EYS: variants seen among roughly 807,000 people sequenced by gnomAD.
EYS encodes EGF-like photoreceptor maintenance factor.
EYS carries 250 observed loss-of-function variants against 282.1 expected under a neutral mutation model. The ratio of observed to expected loss-of-function variants is 0.89; its 90% CI spans 0.80 to 0.98. The LOEUF (loss-of-function observed/expected upper bound fraction) is 0.98, where lower values mean the gene tolerates loss of function less well. Ranked by LOEUF, EYS falls within the 50% of genes least tolerant of loss-of-function variation. The pLI is 0.00. For missense variants in EYS, 4,016 were observed against 3,709.0 expected (o/e 1.08, Z -2.15); for synonymous variants, 1,355 against 1,282.9 (o/e 1.06, Z -1.20).
chr6:65,094,317 GAAA>G (rs35028634), intron 12 of EYS, among the ~76,000 whole-genome samples: 9 of 73,806 alleles, frequency 1.2e-4, no homozygotes, highest in African/African-American at 2.2e-4. Context: ...ATATCTTAAC[GAAA>G]AAAAAAAAAA....
intron 26 of EYS, among the ~76,000 whole-genome samples, chr6:64,555,977 A>T (rs542772534): frequency 6.6e-6 from 1 of 152,022 alleles, no homozygotes; most frequent in African/African-American, 2.4e-5. Context: ...AAGAACAAAA[A>T]CAGACAATAA....
intron 35 of EYS, among the ~76,000 whole-genome samples, chr6:63,927,014 G>A (rs1764735576): frequency 6.6e-6 from 1 of 152,160 alleles, no homozygotes; most frequent in African/African-American, 2.4e-5. Context: ...AAGATTGGGT[G>A]GGTGTCGTTA....
intron 31 of EYS, among the ~76,000 whole-genome samples, chr6:64,157,745 C>G (rs116311730): frequency 0.012 from 1,770 of 152,306 alleles, 36 homozygotes; most frequent in African/African-American, 0.04. Flanking sequence ...GGTTTGGGAA[C>G]CTTCGCCTAG....
intron 29 of EYS, among the ~76,000 whole-genome samples, chr6:64,326,641 G>A (rs957459488): frequency 5.9e-5 from 9 of 152,246 alleles, no homozygotes; most frequent in African/African-American, 2.2e-4. Context: ...TGGGATTGGA[G>A]ATGGCAGATT....
chr6:64,483,552 C>T (rs1398089511), intron 26 of EYS, among the ~76,000 whole-genome samples: 1 of 151,600 alleles, frequency 6.6e-6, no homozygotes, highest in Admixed American at 6.6e-5. Flanking sequence ...CCTCCTTTTC[C>T]TACCTCCTTC....
At chr6:64,919,419 CTTTTTT>C (rs370375636) in intron 15 of EYS, among the ~76,000 whole-genome samples, 1 of 135,512 alleles carries the variant, frequency 7.4e-6, no homozygotes, top group African/African-American at 2.7e-5. Flanking sequence ...TTCTTTTTTT[CTTTTTT>C]TTTTTTTTGT....
intron 14 of EYS, among the ~76,000 whole-genome samples, chr6:64,996,784 G>A (rs1583376244): frequency 6.6e-6 from 1 of 152,186 alleles, no homozygotes; most frequent in East Asian, 1.9e-4. Context: ...AAAATATGTG[G>A]TGGCTGAAAC....
chr6:63,756,543 G>A (rs142063141), intron 41 of EYS, among the ~76,000 whole-genome samples: 1,843 of 152,172 alleles, frequency 0.012, 29 homozygotes, highest in African/African-American at 0.043. Context: ...TTTTATTGAG[G>A]ATTTTTGTAT....
chr6:64,327,806 A>C (rs964260069), intron 29 of EYS, among the ~76,000 whole-genome samples: 1 of 152,128 alleles, frequency 6.6e-6, no homozygotes. Context: ...GCACCAATTT[A>C]TCCATCCCTG....
chr6:65,109,808 A>C (rs563630064), intron 12 of EYS, among the ~76,000 whole-genome samples: 1 of 152,314 alleles, frequency 6.6e-6, no homozygotes, highest in East Asian at 1.9e-4. Context: ...ACTCTGCTAT[A>C]GAACCTGCCT....
chr6:64,862,590 A>G (rs746229039), intron 19 of EYS, among the ~76,000 whole-genome samples: 25 of 152,026 alleles, frequency 1.6e-4, no homozygotes, highest in Non-Finnish European at 3.2e-4. Flanking sequence ...TTAACTTCCT[A>G]TTAAATAGTT....
intron 22 of EYS, among the ~76,000 whole-genome samples, chr6:64,800,479 GT>G (rs941674037): frequency 4.6e-4 from 69 of 151,224 alleles, no homozygotes; most frequent in Non-Finnish European, 8.1e-4. Context: ...AACATATGCA[GT>G]TTTTTTTCAC....
intron 15 of EYS, among the ~76,000 whole-genome samples, chr6:64,926,787 T>C (rs1252702006): frequency 6.6e-6 from 1 of 152,142 alleles, no homozygotes; most frequent in Non-Finnish European, 1.5e-5. Context: ...ACCCATCTGG[T>C]GAAAGAAAGG....
At chr6:64,828,080 T>C (rs1402381097) in intron 19 of EYS, among the ~76,000 whole-genome samples, 1 of 151,880 alleles carries the variant, frequency 6.6e-6, no homozygotes, top group East Asian at 1.9e-4. Flanking sequence ...ACTATAAAAA[T>C]ATTCAAATTT....
chr6:64,271,853 T>C (rs540651894), intron 30 of EYS, among the ~76,000 whole-genome samples: 2 of 152,216 alleles, frequency 1.3e-5, no homozygotes, highest in Non-Finnish European at 2.9e-5. Flanking sequence ...TTTATTTATT[T>C]TTTTGAGACA....
intron 35 of EYS, among the ~76,000 whole-genome samples, chr6:63,923,911 A>G (rs1764642941): frequency 6.6e-6 from 1 of 152,362 alleles, no homozygotes; most frequent in African/African-American, 2.4e-5. Flanking sequence ...GGCTGGTACC[A>G]TAAAAAATTA....
intron 31 of EYS, among the ~76,000 whole-genome samples, chr6:64,113,674 A>G (rs536448488): frequency 1.3e-5 from 2 of 152,292 alleles, no homozygotes; most frequent in Non-Finnish European, 2.9e-5. Context: ...TCTTTTTCTG[A>G]ATGGAGTTAG....
chr6:64,448,616 G>A (rs938836236), intron 26 of EYS, among the ~76,000 whole-genome samples: 9 of 152,148 alleles, frequency 5.9e-5, no homozygotes, highest in East Asian at 1.9e-4. Context: ...CAGTAGGGGC[G>A]GACTGACATC....
intron 2 of EYS, among the ~76,000 whole-genome samples, chr6:65,610,349 A>G (rs1765953046): frequency 6.6e-6 from 1 of 152,062 alleles, no homozygotes; most frequent in African/African-American, 2.4e-5. Flanking sequence ...ACTCATAGGG[A>G]TTATTTATCT....
Sources: gnomAD v4.1 joint callset for allele counts (sites outside exome capture counted in the v4.1 genomes callset) on GRCh38, gnomAD v4.1.1 for gene constraint, MANE v1.5 for transcripts, NCBI Gene and HGNC (gene_info 2026-07-23, HGNC 2026-07-21) for gene names.